Variants in ADCY9 observed in about 807,000 individuals in gnomAD.
The protein encoded by ADCY9 is adenylate cyclase type 9.
ADCY9 carries 50 observed loss-of-function variants against 101.5 expected under a neutral mutation model. That is an observed-to-expected ratio of 0.49 (90% confidence interval 0.39 to 0.62). The LOEUF is 0.62. ADCY9 is among the 20% of genes least tolerant of loss of function. The pLI is 0.00. For missense variants in ADCY9, 1,662 were observed against 1,800.4 expected (o/e 0.92, Z 1.39); for synonymous variants, 905 against 769.3 (o/e 1.18, Z -2.92).
intron 10 of ADCY9, among the ~76,000 whole-genome samples, chr16:3,973,497 G>A (rs1049155036): frequency 5.9e-5 from 9 of 151,948 alleles, no homozygotes; most frequent in African/African-American, 1.9e-4. Flanking sequence ...ATGAGCCAAC[G>A]TGCCTGGCCT....
intron 10 of ADCY9, among the ~76,000 whole-genome samples, chr16:3,969,759 C>T (rs889897349): frequency 6.7e-6 from 1 of 149,532 alleles, no homozygotes; most frequent in African/African-American, 2.5e-5. Context: ...GGACTACAGG[C>T]ACACACCACC....
chr16:3,957,054 CT>C (rs1234893922), intron 5 of ADCY9, among the ~76,000 whole-genome samples: 1 of 152,198 alleles, frequency 6.6e-6, no homozygotes, highest in African/African-American at 2.4e-5. Flanking sequence ...TGGTCACTTT[CT>C]GAACTACTGT....
intron 2 of ADCY9, among the ~76,000 whole-genome samples, chr16:4,036,988 T>C (rs1397182994): frequency 6.6e-6 from 1 of 152,042 alleles, no homozygotes; most frequent in East Asian, 1.9e-4. Flanking sequence ...TATAAGAACA[T>C]GCAATATGTC....
rs1179165288 is a variant in ADCY9, at chr16:4,015,176, C to T, written c.1694-7618G>A. On this transcript the variant is annotated intron_variant, in intron 2 of 10. Transcript: ENST00000294016. ...CAGGATGGTCTCGATCTCCTGACCT[C>T]ATGATCCGCCCACCTCAGCCTCCCA... 4.0e-5 allele frequency among the ~76,000 whole-genome samples: 6 copies of T among 151,484 alleles called. No individual in the cohort carries two copies. In the South Asian group the frequency reaches 8.3e-4, roughly 21 times the overall value.
intron 2 of ADCY9, among the ~76,000 whole-genome samples, chr16:4,031,655 G>A (rs961980526): frequency 6.6e-6 from 1 of 152,068 alleles, no homozygotes; most frequent in East Asian, 1.9e-4. Flanking sequence ...AGGCCGAGGC[G>A]GGTGGATTGT....
chr16:3,989,812 C>T lies in ADCY9; in HGVS notation c.2208-716G>A, dbSNP rs538923555. Among the ~76,000 whole-genome samples the T allele has an allele frequency of 5.9e-5, 9 of 152,310 alleles. No homozygotes were observed. In the South Asian group the frequency reaches 1.2e-3, roughly 21 times the overall value. ...CTTACATGGATTTGGAGGCTTCAAA[C>T]GAAAACATAATTCAGAACCGGCGGT... On this transcript the variant is annotated intron_variant, in intron 5 of 10. Coordinates refer to ENST00000294016, the MANE Select transcript of ADCY9 (RefSeq NM_001116.4).
intron 2 of ADCY9, among the ~76,000 whole-genome samples, chr16:4,008,339 T>G (rs774914352): frequency 1.3e-5 from 2 of 152,132 alleles, no homozygotes; most frequent in African/African-American, 2.4e-5. Context: ...GCCCCGGGAA[T>G]CTGCTGGGAA....
At chr16:4,068,582 A>G (rs760974940) in intron 2 of ADCY9, among the ~76,000 whole-genome samples, 1 of 152,126 alleles carries the variant, frequency 6.6e-6, no homozygotes, top group Non-Finnish European at 1.5e-5. Flanking sequence ...TGGGAGGCCT[A>G]GATGAGCGGA....
intron 2 of ADCY9, among the ~76,000 whole-genome samples, chr16:4,070,552 A>T (rs527780415): frequency 6.6e-6 from 1 of 152,346 alleles, no homozygotes; most frequent in South Asian, 2.1e-4. Context: ...CTGGTGGCTC[A>T]CACCTGTAAT....
intron 2 of ADCY9, among the ~76,000 whole-genome samples, chr16:4,024,076 G>A (rs577884227): frequency 3.3e-5 from 5 of 151,610 alleles, no homozygotes; most frequent in African/African-American, 1.2e-4. Flanking sequence ...AGGCTGGAGT[G>A]CAATGACACA....
At chr16:3,979,007 G>A in intron 8 of ADCY9, 109 bp downstream of exon 8, 2 of 1,427,576 alleles carry the variant, frequency 1.4e-6, no homozygotes, top group Non-Finnish European at 1.9e-6. Context: ...GAGCCACCAT[G>A]CCTGGCCAAA....
At chr16:4,104,959 C>G (rs2057066581) in intron 2 of ADCY9, among the ~76,000 whole-genome samples, 2 of 151,948 alleles carry the variant, frequency 1.3e-5, no homozygotes, top group South Asian at 4.1e-4. Flanking sequence ...ATCCCAGCTA[C>G]TCGAGAGGCT....
intron 5 of ADCY9, among the ~76,000 whole-genome samples, chr16:3,991,360 G>A (rs913783787): frequency 7.9e-5 from 12 of 152,238 alleles, no homozygotes; most frequent in African/African-American, 2.6e-4. Context: ...CCCTGAGGAG[G>A]ACACGGCATC....
At chr16:4,013,284 G>T (rs1231590304) in intron 2 of ADCY9, among the ~76,000 whole-genome samples, 1 of 151,916 alleles carries the variant, frequency 6.6e-6, no homozygotes. Flanking sequence ...GCCAGGCGTG[G>T]CGGCACACGC....
chr16:4,030,444 G>A (rs1044244355), intron 2 of ADCY9, among the ~76,000 whole-genome samples: 6 of 152,156 alleles, frequency 3.9e-5, no homozygotes, highest in Non-Finnish European at 5.9e-5. Context: ...GCTCAAGTCC[G>A]TAATCCCAGC....
chr16:4,083,733 G>C (rs2056919768), intron 2 of ADCY9, among the ~76,000 whole-genome samples: 1 of 152,200 alleles, frequency 6.6e-6, no homozygotes, highest in African/African-American at 2.4e-5. Flanking sequence ...AAAACATTAG[G>C]CTCAGTGAGA....
At position 4,102,798 on chromosome 16, in the gene ADCY9, T is replaced by A. The variant is rs574406463; in HGVS notation, c.1693+10952A>T. ...ATGCAGTGGTGCCATCTCGGCTCAC[T>A]GCAGCCTCCGCCTCCCAGGTTCAAG... On this transcript the variant is annotated intron_variant, in intron 2 of 10. Coordinates refer to ENST00000294016, the MANE Select transcript of ADCY9 (RefSeq NM_001116.4). Among the ~76,000 whole-genome samples, 15 of 152,050 alleles carry A rather than the reference T, an allele frequency of 9.9e-5. No individual in the cohort carries two copies. The South Asian group carries it at 2.1e-3, about 21-fold the overall frequency.
rs148392888 is a variant in ADCY9, at chr16:4,017,561, T to C, written c.1694-10003A>G. ...TGGGAGGCTGAGGCAGGAGGATCACTTGAACCCAGGAGGCAGAGGTTGCAG... is the reference window on the plus strand; with the variant it reads ...TGGGAGGCTGAGGCAGGAGGATCACCTGAACCCAGGAGGCAGAGGTTGCAG... On this transcript the variant is annotated intron_variant, in intron 2 of 10. Coordinates refer to ENST00000294016, the MANE Select transcript of ADCY9 (RefSeq NM_001116.4). 3.3e-3 allele frequency among the ~76,000 whole-genome samples: 500 copies of C among 151,336 alleles called. 2 individuals carry two copies. The highest frequency in any genetic ancestry group is 4.9e-3 in the Admixed American group (74 of 15,070).
At chr16:3,994,978 G>A (rs189443210) in intron 3 of ADCY9, among the ~76,000 whole-genome samples, 105 of 152,184 alleles carry the variant, frequency 6.9e-4, no homozygotes, top group African/African-American at 2.3e-3. Flanking sequence ...GAAAAGAGAA[G>A]GCAAGATTTA....
Sources: gnomAD v4.1 joint callset for allele counts (sites outside exome capture counted in the v4.1 genomes callset) on GRCh38, gnomAD v4.1.1 for gene constraint, MANE v1.5 for transcripts, NCBI Gene and HGNC (gene_info 2026-07-23, HGNC 2026-07-21) for gene names.